Variants in TMPRSS15 observed in about 807,000 individuals in gnomAD.
TMPRSS15 encodes the protein enteropeptidase.
TMPRSS15 carries 128 observed loss-of-function variants against 125.3 expected under a neutral mutation model. That is an observed-to-expected ratio of 1.02 (90% CI 0.89 to 1.18). The LOEUF is 1.18. TMPRSS15 is among the 50% of genes most tolerant of loss of function. The pLI, the probability that TMPRSS15 is intolerant of heterozygous loss-of-function variation, is 0.00. For missense variants in TMPRSS15, 1,283 were observed against 1,212.7 expected (o/e 1.06, Z -0.86); for synonymous variants, 446 against 423.2 (o/e 1.05, Z -0.66).
chr21:18,348,230 A>G (rs1030701890), intron 10 of TMPRSS15, among the ~76,000 whole-genome samples: 3 of 151,992 alleles, frequency 2.0e-5, no homozygotes, highest in Non-Finnish European at 4.4e-5. Context: ...TTGTTTACTT[A>G]AGCTTGTAAT....
In TMPRSS15 at chr21:18,397,880, CA is replaced by C. The variant is rs745923126; in HGVS notation, c.342del (p.Phe114LeufsTer7). ...NEYKNSRVLQFENGSIIVVFD... is the reference protein window; with the variant it reads ...NEYKNSRVLQXENGSIIVVFD... ...AGAAAATTTTTGAGCTATACTCACT[CA>C]AATTGTAAAACTCTTGAGTTCTTAT... On this transcript the variant is annotated frameshift_variant and splice_region_variant, in exon 3 of 25. Transcript: ENST00000284885. LOFTEE classifies it high-confidence loss of function. 3 of 1,536,010 alleles carry C rather than the reference CA, an allele frequency of 2.0e-6. No homozygotes were observed. The highest frequency in any genetic ancestry group is 1.8e-6 in the Non-Finnish European group (2 of 1,125,050).
chr21:18,271,536 C>G (rs2074556243), intron 24 of TMPRSS15, among the ~76,000 whole-genome samples: 1 of 152,116 alleles, frequency 6.6e-6, no homozygotes. Context: ...TACTTCTTGT[C>G]ATCTAACTAT....
At position 18,409,495 on chromosome 21, in the gene TMPRSS15, T is replaced by A. The variant is rs564396610; in HGVS notation, c.11-11166A>T. ...GAATTATCTTAGTCATTTATCTATA[T>A]CTCTACTTTTCTTGTAATTATTTCA... On this transcript the variant is annotated intron_variant, in intron 1 of 7. Coordinates refer to the TMPRSS15 transcript ENST00000422787. Among the ~76,000 whole-genome samples the A allele has an allele frequency of 1.5e-3, 231 of 152,194 alleles. 1 individual carries two copies. Among genetic ancestry groups the A allele is most frequent in the African/African-American group, 4.5e-3 (188 of 41,544 alleles).
chr21:18,454,491 A>T (rs1170254086), intron 1 of TMPRSS15, among the ~76,000 whole-genome samples: 1 of 152,152 alleles, frequency 6.6e-6, no homozygotes, highest in African/African-American at 2.4e-5. Flanking sequence ...GTCCCGTGAT[A>T]TGCCAGTGAG....
intron 5 of TMPRSS15, among the ~76,000 whole-genome samples, chr21:18,377,800 A>G (rs2075858212): frequency 6.6e-6 from 1 of 152,076 alleles, no homozygotes; most frequent in African/African-American, 2.4e-5. Context: ...ATCAGGAGAG[A>G]AAAATATGGG....
In TMPRSS15 at chr21:18,441,063, C is replaced by A. The variant is rs371801131; in HGVS notation, c.11-42734G>T. 1.3e-4 allele frequency among the ~76,000 whole-genome samples: 19 copies of A among 151,980 alleles called. No homozygotes were observed. The East Asian group carries it at 2.1e-3, about 17-fold the overall frequency. ...ATCCCAGCACTTTGGGAGACCAAAG[C>A]AGGAGGATCACCTGAGGTCAGGAGT... On this transcript the variant is annotated intron_variant, in intron 1 of 7. Coordinates refer to the TMPRSS15 transcript ENST00000422787.
chr21:18,459,165 T>C (rs983592872), intron 1 of TMPRSS15, among the ~76,000 whole-genome samples: 1 of 152,172 alleles, frequency 6.6e-6, no homozygotes, highest in African/African-American at 2.4e-5. Context: ...TGCAATAAAT[T>C]TTCCCCCAGT....
chr21:18,436,372 C>T (rs1259408164), intron 1 of TMPRSS15, among the ~76,000 whole-genome samples: 6 of 151,996 alleles, frequency 3.9e-5, no homozygotes, highest in Non-Finnish European at 5.9e-5. Flanking sequence ...TTTATTTCTG[C>T]CTTCATTTCG....
intron 23 of TMPRSS15, among the ~76,000 whole-genome samples, chr21:18,276,917 C>T (rs370217177): frequency 2.7e-4 from 41 of 151,828 alleles, no homozygotes; most frequent in Non-Finnish European, 3.8e-4. Flanking sequence ...TGTACCACCA[C>T]GCCTGGCTAA....
At chr21:18,271,324 G>T (rs1047649259) in intron 24 of TMPRSS15, among the ~76,000 whole-genome samples, 31 of 152,104 alleles carry the variant, frequency 2.0e-4, no homozygotes, top group African/African-American at 6.8e-4. Context: ...CAGCTGTTTG[G>T]ATATTTTTAA....
intron 1 of TMPRSS15, among the ~76,000 whole-genome samples, chr21:18,437,472 A>T (rs1312274950): frequency 6.6e-6 from 1 of 152,186 alleles, no homozygotes; most frequent in Non-Finnish European, 1.5e-5. Context: ...AAAATTGACA[A>T]ATGGGATCTA....
upstream of TMPRSS15, among the ~76,000 whole-genome samples, chr21:18,407,415 A>G (rs2076154815): frequency 6.7e-6 from 1 of 149,640 alleles, no homozygotes; most frequent in African/African-American, 2.5e-5. Flanking sequence ...AAGAAACTTT[A>G]TGTGCTAAAC....
chr21:18,471,705 G>A (rs529985792), intron 1 of TMPRSS15, among the ~76,000 whole-genome samples: 1 of 152,178 alleles, frequency 6.6e-6, no homozygotes, highest in South Asian at 2.1e-4. Flanking sequence ...AAAATCACTT[G>A]GAGTGTGAAA....
intron 10 of TMPRSS15, among the ~76,000 whole-genome samples, chr21:18,351,698 A>G (rs8129347): frequency 0.98 from 149,654 of 152,230 alleles, 73,602 homozygotes; most frequent in Middle Eastern, 1. Flanking sequence ...ACCCAGTCTC[A>G]GGTATTTCTT....
At chr21:18,385,297 A>G (rs1024415216) in intron 3 of TMPRSS15, among the ~76,000 whole-genome samples, 2 of 152,218 alleles carry the variant, frequency 1.3e-5, no homozygotes, top group Admixed American at 6.5e-5. Context: ...CGTCACAGAC[A>G]CTACCTTTCA....
Position 18,312,956 on chromosome 21 carries a change from C to A in TMPRSS15, c.2154G>T (p.Leu718=), listed in dbSNP as rs369361046. Reference sequence around the variant, plus strand: ...GTAGAATTACTTACCCTAGTCCCAGCAGTTGACAAACATCATTTGAAATCT... The same window carrying A: ...GTAGAATTACTTACCCTAGTCCCAGAAGTTGACAAACATCATTTGAAATCT... ...TTQISNDVCQ[L]LGLGSGNSSK... is the part of the protein sequence containing the mutation. Residue 718 remains leucine (L), a synonymous_variant, in exon 18 of 25, where the codon CTG becomes CTT. Transcript: ENST00000284885. 4 of 1,613,780 alleles carry A rather than the reference C, an allele frequency of 2.5e-6. No individual in the cohort carries two copies. The South Asian group carries it at 3.3e-5, about 13-fold the overall frequency.
At chr21:18,482,888 T>A (rs2123293067) in intron 1 of TMPRSS15, among the ~76,000 whole-genome samples, 1 of 151,934 alleles carries the variant, frequency 6.6e-6, no homozygotes, top group Admixed American at 6.6e-5. Context: ...TGCTCTTGAA[T>A]CTATTAATAT....
rs148711749 is a variant in TMPRSS15, at chr21:18,315,189, G to A, written c.1989C>T (p.Asp663=). The A allele has an allele frequency of 2.7e-3, 4,291 of 1,613,776 alleles. 6 individuals carry two copies. Among genetic ancestry groups the A allele is most frequent in the Middle Eastern group, 4.5e-3 (27 of 6,062 alleles). The part of the protein sequence containing the change: ...GECVPLVNLC[D]GHLHCEDGSD... ...AGCCATCCTCACAGTGCAGATGACCGTCACAGAGATTCACCAGTGGAACAC... is the reference window on the plus strand; with the variant it reads ...AGCCATCCTCACAGTGCAGATGACCATCACAGAGATTCACCAGTGGAACAC... Residue 663 remains aspartate, a synonymous_variant, in exon 17 of 25, where the codon GAC becomes GAT. Coordinates refer to ENST00000284885, the MANE Select transcript of TMPRSS15 (RefSeq NM_002772.3).
intron 1 of TMPRSS15, among the ~76,000 whole-genome samples, chr21:18,448,192 G>C (rs967372089): frequency 6.6e-5 from 10 of 152,134 alleles, no homozygotes; most frequent in Non-Finnish European, 2.9e-5. Context: ...TATTAATAAA[G>C]TCACCACAGT....
Sources: allele counts gnomAD v4.1 joint callset (sites outside exome capture counted in the v4.1 genomes callset), GRCh38; gene constraint gnomAD v4.1.1; transcripts MANE v1.5; gene names NCBI Gene and HGNC (gene_info 2026-07-23, HGNC 2026-07-21).